The following ABCA13 variants were observed in gnomAD, a reference collection of about 807,000 sequenced individuals.
ABCA13 encodes the protein ATP binding cassette subfamily A member 13.
A neutral mutation model predicts 478.7 loss-of-function variants in ABCA13; 476 were observed. That is an observed-to-expected ratio of 0.99 (90% CI 0.92 to 1.07). ABCA13 has a LOEUF of 1.07. ABCA13 is among the 50% of genes least tolerant of loss of function. The pLI is 0.00. For missense variants in ABCA13, 6,060 were observed against 5,910.6 expected, an observed-to-expected ratio of 1.03 and a Z score of -0.83; for synonymous variants, 2,252 against 2,158.9, an observed-to-expected ratio of 1.04 and a Z score of -1.20.
At chr7:48,519,454 T>A (rs1267841886) in intron 52 of ABCA13, among the ~76,000 whole-genome samples, 1 of 152,236 alleles carries the variant, frequency 6.6e-6, no homozygotes, top group African/African-American at 2.4e-5. Context: ...TTACAAATTA[T>A]AGTGTTAATT....
chr7:48,585,152 A>G, intron 56 of ABCA13, among the ~76,000 whole-genome samples: 1 of 152,322 alleles, frequency 6.6e-6, no homozygotes, highest in East Asian at 1.9e-4. Flanking sequence ...CTTCATTTAT[A>G]AGACCCTTCC....
At position 48,273,645 on chromosome 7, in the gene ABCA13, C is replaced by T. The variant is rs1050841149; in HGVS notation, c.3979C>T (p.Leu1327=). The T allele has an allele frequency of 1.2e-6, 2 of 1,606,380 alleles. No homozygotes were observed. The highest frequency in any genetic ancestry group is 1.3e-5 in the African/African-American group (1 of 74,804). Residue 1327 remains leucine, a synonymous_variant, in exon 17 of 62, where the codon CTA becomes TTA. Coordinates refer to ENST00000435803, the MANE Select transcript of ABCA13 (RefSeq NM_152701.5). The part of the protein sequence containing the change: ...GEKFENIITE[L]REAIVFLRNV... ...AAAATTTGAAAATATCATCACTGAG[C>T]TAAGAGAAGCAATAGTATTTCTTAG...
chr7:48,315,409 A>G (rs1802427556), intron 26 of ABCA13, among the ~76,000 whole-genome samples: 1 of 152,166 alleles, frequency 6.6e-6, no homozygotes, highest in East Asian at 1.9e-4. Flanking sequence ...TGCAATGTAA[A>G]GAGTAGGTCA....
chr7:48,269,364 T>A (rs1302300011), intron 16 of ABCA13, among the ~76,000 whole-genome samples: 2 of 152,244 alleles, frequency 1.3e-5, no homozygotes, highest in East Asian at 3.8e-4. Context: ...ACATGATTTA[T>A]AATAGATGCT....
chr7:48,304,735 G>A (rs1800654288), intron 23 of ABCA13, among the ~76,000 whole-genome samples: 1 of 152,108 alleles, frequency 6.6e-6, no homozygotes, highest in Non-Finnish European at 1.5e-5. Flanking sequence ...AATTTACCCA[G>A]GCAACAAACC....
chr7:48,497,895 G>A (rs1830416386), intron 48 of ABCA13, among the ~76,000 whole-genome samples: 1 of 152,200 alleles, frequency 6.6e-6, no homozygotes, highest in Admixed American at 6.5e-5. Flanking sequence ...ATCCCTCTGT[G>A]CCCTGCTGCC....
intron 40 of ABCA13, among the ~76,000 whole-genome samples, chr7:48,410,977 C>CTTTT (rs770039676): frequency 9.6e-6 from 1 of 104,642 alleles, no homozygotes; most frequent in Admixed American, 1.0e-4. Context: ...AAATTCTTTT[C>CTTTT]TCTTTCTTTC....
At chr7:48,227,446 T>C in intron 6 of ABCA13, 21 bp downstream of exon 6, 1 of 1,612,096 alleles carries the variant, frequency 6.2e-7, no homozygotes, top group Non-Finnish European at 8.5e-7. Context: ...AAGAAAAACA[T>C]AACTAAGTAT....
chr7:48,216,007 T>C (rs1786417816), intron 3 of ABCA13, among the ~76,000 whole-genome samples: 1 of 152,220 alleles, frequency 6.6e-6, no homozygotes, highest in African/African-American at 2.4e-5. Flanking sequence ...CTTTATCTTT[T>C]CCTCTGTCGA....
chr7:48,451,774 A>G lies in ABCA13; in HGVS notation c.12566-3263A>G, dbSNP rs538567490. Reference sequence around the variant, plus strand: ...TTGCTGAGACTTTGATATTTAAGCTATTTCTCATAGGTGTTAATGTTTGAA... The same window carrying G: ...TTGCTGAGACTTTGATATTTAAGCTGTTTCTCATAGGTGTTAATGTTTGAA... On this transcript the variant is annotated intron_variant, in intron 42 of 61. Coordinates refer to ENST00000435803, the MANE Select transcript of ABCA13 (RefSeq NM_152701.5). Among the ~76,000 whole-genome samples the G allele has an allele frequency of 5.9e-5, 9 of 152,312 alleles. 1 individual carries two copies. The highest frequency in any genetic ancestry group is 3.3e-4 in the Admixed American group (5 of 15,306).
In ABCA13 at chr7:48,273,718, A is replaced by T. The variant is rs775477715; in HGVS notation, c.4052A>T (p.Gln1351Leu). ...RDLFSCADIFQNVTECILEDG... is the reference protein window; with the variant it reads ...RDLFSCADIFLNVTECILEDG... ...TTGTTTTCCTGTGCTGATATTTTCC[A>T]AAATGTTACTGAGTGTATTTTAGAA... is the stretch of plus-strand genomic sequence containing the variant. The change falls in exon 17 of 62, where the codon CAA (glutamine) becomes CTA (leucine). Residue 1351 changes from glutamine to leucine, a missense_variant. Coordinates refer to ENST00000435803, the MANE Select transcript of ABCA13 (RefSeq NM_152701.5). The T allele has an allele frequency of 1.2e-6, 2 of 1,609,090 alleles. No homozygotes were observed. Among genetic ancestry groups the T allele is most frequent in the Non-Finnish European group, 1.7e-6 (2 of 1,177,328 alleles).
At chr7:48,634,308 G>A (rs1022484097) in intron 59 of ABCA13, among the ~76,000 whole-genome samples, 1 of 152,124 alleles carries the variant, frequency 6.6e-6, no homozygotes, top group Non-Finnish European at 1.5e-5. Context: ...GGTAACACTG[G>A]CCTCAAAGAG....
intron 42 of ABCA13, among the ~76,000 whole-genome samples, chr7:48,433,223 C>T (rs1822379673): frequency 6.6e-6 from 1 of 151,638 alleles, no homozygotes; most frequent in Non-Finnish European, 1.5e-5. Context: ...GAGTTTGCCT[C>T]TAGGGGAGGA....
intron 48 of ABCA13, among the ~76,000 whole-genome samples, chr7:48,502,865 T>C (rs1041393283): frequency 2.6e-5 from 4 of 152,298 alleles, no homozygotes; most frequent in Admixed American, 1.3e-4. Flanking sequence ...GGCTACCAAC[T>C]CTTTCTCTCT....
chr7:48,455,014 C>T, intron 42 of ABCA13, 23 bp from the exon 43 acceptor site: 4 of 1,475,688 alleles, frequency 2.7e-6, no homozygotes, highest in South Asian at 1.4e-5. Context: ...ACCCAGCCGC[C>T]CTTCCTCCCG....
At position 48,525,496 on chromosome 7, in the gene ABCA13, C is replaced by G. The variant is rs183809817; in HGVS notation, c.14244+1056C>G. Reference sequence around the variant, plus strand: ...TATTTGATTATAGTTTTACGTGATACGAGAGCCTTCAGAATGAAGACCCAA... The same window carrying G: ...TATTTGATTATAGTTTTACGTGATAGGAGAGCCTTCAGAATGAAGACCCAA... On this transcript the variant is annotated intron_variant, in intron 54 of 61. Transcript: ENST00000435803. Among the ~76,000 whole-genome samples the G allele has an allele frequency of 1.2e-3, 190 of 152,086 alleles. 1 individual carries two copies. Among genetic ancestry groups the G allele is most frequent in the Non-Finnish European group, 2.0e-3 (134 of 67,986 alleles).
At chr7:48,383,643 T>C (rs1814735674) in intron 35 of ABCA13, among the ~76,000 whole-genome samples, 1 of 152,226 alleles carries the variant, frequency 6.6e-6, no homozygotes, top group Non-Finnish European at 1.5e-5. Context: ...AATTGAGCTA[T>C]AATACATCAG....
At chr7:48,263,103 C>T (rs1179161119) in intron 15 of ABCA13, among the ~76,000 whole-genome samples, 4 of 151,804 alleles carry the variant, frequency 2.6e-5, no homozygotes, top group African/African-American at 9.7e-5. Context: ...ATCCCTGGAC[C>T]ACAGTATCAA....
intron 27 of ABCA13, among the ~76,000 whole-genome samples, chr7:48,324,319 C>T (rs1803974628): frequency 6.6e-6 from 1 of 152,142 alleles, no homozygotes; most frequent in Non-Finnish European, 1.5e-5. Context: ...TTTATAAGGA[C>T]ATCAGTTATA....
Sources: gnomAD v4.1 joint callset for allele counts (sites outside exome capture counted in the v4.1 genomes callset) on GRCh38, gnomAD v4.1.1 for gene constraint, MANE v1.5 for transcripts, NCBI Gene and HGNC (gene_info 2026-07-23, HGNC 2026-07-21) for gene names.